SUGCT: variants seen among roughly 807,000 people sequenced by gnomAD.
SUGCT encodes succinyl-CoA:glutarate-CoA transferase, also known as succinyl-CoA:glutarate CoA-transferase.
SUGCT carries 41 observed loss-of-function variants against 55.0 expected under a neutral mutation model. That is an observed-to-expected ratio of 0.74 (90% CI 0.58 to 0.97). The LOEUF (loss-of-function observed/expected upper bound fraction) is 0.97, where lower values mean the gene tolerates loss of function less well. Ranked by LOEUF, SUGCT falls within the 50% of genes least tolerant of loss-of-function variation. The pLI is 0.00. For missense variants in SUGCT, 568 were observed against 547.8 expected (o/e 1.04, Z -0.37); for synonymous variants, 187 against 200.4 (o/e 0.93, Z 0.56).
chr7:40,796,448 C>T lies in SUGCT; in HGVS notation c.1153+46951C>T, dbSNP rs527345440. Among the ~76,000 whole-genome samples the T allele has an allele frequency of 1.4e-3, 209 of 152,102 alleles. 2 individuals carry two copies. In the South Asian group the frequency reaches 0.018, roughly 13 times the overall value. On this transcript the variant is annotated intron_variant, in intron 13 of 13. Transcript: ENST00000335693. ...AACAAGAAGCATATTAGAGAATTAA[C>T]GATGATGAGGAAAAGGAGAAGGAAG...
chr7:40,916,146 C>T, the SUGCT span, among the ~76,000 whole-genome samples: 1 of 151,830 alleles, frequency 6.6e-6, no homozygotes, highest in Non-Finnish European at 1.5e-5. Context: ...GAATGTTAGG[C>T]AGCCAAGAGA....
chr7:40,178,720 G>A (rs1474265025), intron 1 of SUGCT, among the ~76,000 whole-genome samples: 2 of 152,052 alleles, frequency 1.3e-5, no homozygotes, highest in African/African-American at 4.8e-5. Context: ...TGGTGTGCTT[G>A]CTCTGTGTCT....
At chr7:40,778,561 G>A (rs1020080460) in intron 13 of SUGCT, among the ~76,000 whole-genome samples, 2 of 152,164 alleles carry the variant, frequency 1.3e-5, no homozygotes, top group African/African-American at 4.8e-5. Context: ...AATGCCCCAC[G>A]TCACCCAGTG....
intron 12 of SUGCT, chr7:40,538,516 A>C (rs1417233382): frequency 6.6e-6 from 1 of 152,186 alleles, no homozygotes; most frequent in Non-Finnish European, 1.5e-5. Flanking sequence ...TGGTCACCAC[A>C]TTTTTTGTAA....
rs544969482 is a variant in SUGCT at position 40,684,538 on chromosome 7, C to T, written c.1090-64896C>T. Among the ~76,000 whole-genome samples, 7 of 152,312 alleles carry T rather than the reference C, an allele frequency of 4.6e-5. No individual in the cohort carries two copies. The South Asian group carries it at 1.5e-3, about 32-fold the overall frequency. ...ACCTCTCGTCTTCAGATTCTCGTCT[C>T]TGGAAAACTCTGAAAGTTATTTATT... On this transcript the variant is annotated intron_variant, in intron 12 of 13. Coordinates refer to ENST00000335693, the MANE Select transcript of SUGCT (RefSeq NM_001193313.2).
intron 9 of SUGCT, among the ~76,000 whole-genome samples, chr7:40,359,515 T>C (rs1798047709): frequency 6.6e-6 from 1 of 152,088 alleles, no homozygotes; most frequent in Non-Finnish European, 1.5e-5. Flanking sequence ...TGTTCTGTCA[T>C]TTAGTACAGT....
the SUGCT span, among the ~76,000 whole-genome samples, chr7:40,952,422 G>A: frequency 2.0e-5 from 3 of 152,252 alleles, no homozygotes; most frequent in Admixed American, 6.5e-5. Flanking sequence ...GCCAGTCTGT[G>A]TCTTTTAATT....
At chr7:40,187,791 G>T (rs570138415) in intron 3 of SUGCT, among the ~76,000 whole-genome samples, 1 of 152,212 alleles carries the variant, frequency 6.6e-6, no homozygotes, top group South Asian at 2.1e-4. Context: ...AAATTAGTCG[G>T]GCATGGTGGT....
At chr7:40,261,418 A>T (rs943561528) in intron 7 of SUGCT, among the ~76,000 whole-genome samples, 2 of 152,210 alleles carry the variant, frequency 1.3e-5, no homozygotes, top group African/African-American at 4.8e-5. Flanking sequence ...TCTTAGTCCC[A>T]GTTAACACCT....
In SUGCT at chr7:40,852,608, A is replaced by AT. The variant is rs60617283; in HGVS notation, c.1154-7697dup. On this transcript the variant is annotated intron_variant, in intron 13 of 13. Coordinates refer to ENST00000335693, the MANE Select transcript of SUGCT (RefSeq NM_001193313.2). The stretch of plus-strand genomic sequence containing the variant: ...AATTACATGCTAGCCACACTAGATC[A>AT]TTTTTTTTTTTCAATTCCTTGAACA... Among the ~76,000 whole-genome samples, 605 of 142,128 alleles carry AT rather than the reference A, an allele frequency of 4.3e-3. 4 individuals carry two copies. Among genetic ancestry groups the AT allele is most frequent in the East Asian group, 0.024 (114 of 4,844 alleles). The allele number at this position is 142,128 out of a possible 152,430, so 93.2% of individuals were successfully genotyped here. A position where few individuals can be genotyped will look rare whatever the true frequency, so the allele number is the denominator to read the frequency against.
At chr7:40,403,195 A>G (rs1786176308) in intron 9 of SUGCT, among the ~76,000 whole-genome samples, 1 of 152,066 alleles carries the variant, frequency 6.6e-6, no homozygotes, top group Non-Finnish European at 1.5e-5. Flanking sequence ...CCATGATTTT[A>G]TTAGGTTTTG....
intron 12 of SUGCT, among the ~76,000 whole-genome samples, chr7:40,506,441 T>C (rs1384065109): frequency 6.6e-6 from 1 of 152,130 alleles, no homozygotes; most frequent in Admixed American, 6.5e-5. Context: ...ATTTCCTCTG[T>C]CTTTGAACAT....
At chr7:40,770,201 A>G (rs1384660059) in intron 13 of SUGCT, among the ~76,000 whole-genome samples, 2 of 152,022 alleles carry the variant, frequency 1.3e-5, no homozygotes, top group South Asian at 2.1e-4. Context: ...AGTGGCTTTT[A>G]TATTATGTTT....
At chr7:40,549,675 G>GA (rs1289569328) in intron 12 of SUGCT, among the ~76,000 whole-genome samples, 1 of 152,198 alleles carries the variant, frequency 6.6e-6, no homozygotes, top group Non-Finnish European at 1.5e-5. Context: ...GGAGGGCCTT[G>GA]AATGATAAAT....
At chr7:40,380,980 G>A (rs1357372065) in intron 9 of SUGCT, among the ~76,000 whole-genome samples, 1 of 152,048 alleles carries the variant, frequency 6.6e-6, no homozygotes, top group Non-Finnish European at 1.5e-5. Flanking sequence ...TAATTAGTAA[G>A]GCTAGTTTCT....
intron 13 of SUGCT, among the ~76,000 whole-genome samples, chr7:40,830,189 C>T (rs918549938): frequency 6.6e-6 from 1 of 152,134 alleles, no homozygotes; most frequent in African/African-American, 2.4e-5. Flanking sequence ...CAGTCACCTC[C>T]CAGTGCTTGC....
At chr7:40,560,191 C>G (rs983653237) in intron 12 of SUGCT, among the ~76,000 whole-genome samples, 5 of 152,174 alleles carry the variant, frequency 3.3e-5, no homozygotes, top group Non-Finnish European at 7.3e-5. Context: ...CTAGGTTTAT[C>G]ACATGAGTGT....
intron 6 of SUGCT, among the ~76,000 whole-genome samples, chr7:40,229,638 C>A (rs1414992658): frequency 1.3e-5 from 2 of 151,290 alleles, no homozygotes; most frequent in Middle Eastern, 3.2e-3. Context: ...CATGGTGAAA[C>A]CTCATCTCTA....
chr7:40,871,615 G>A, the SUGCT span, among the ~76,000 whole-genome samples: 1 of 152,146 alleles, frequency 6.6e-6, no homozygotes, highest in Admixed American at 6.5e-5. Flanking sequence ...TGTAAACTCA[G>A]AGAGGAGTTT....
Sources: allele counts gnomAD v4.1 joint callset (sites outside exome capture counted in the v4.1 genomes callset), GRCh38; gene constraint gnomAD v4.1.1; transcripts MANE v1.5; gene names NCBI Gene and HGNC (gene_info 2026-07-23, HGNC 2026-07-21).